P3R3URF: variants seen among roughly 807,000 people sequenced by gnomAD.
P3R3URF encodes P3R3URF protein.
Under a neutral mutation model 8.0 loss-of-function variants are expected in P3R3URF, and 6 were observed. That is an observed-to-expected ratio of 0.75 (90% CI 0.41 to 1.47). The LOEUF is 1.47. Ranked by LOEUF, P3R3URF falls within the 40% of genes most tolerant of loss-of-function variation. The pLI is 0.01. For missense variants in P3R3URF, 121 were observed against 117.3 expected (o/e 1.03, Z -0.14); for synonymous variants, 39 against 36.7 (o/e 1.06, Z -0.23).
rs980112967 is a variant in P3R3URF, at chr1:46,176,376, G to A, written c.96C>T (p.Pro32=). The change falls in exon 1 of 2, where the codon CCC becomes CCT. Residue 32 remains proline, a synonymous_variant. Transcript: ENST00000506599. The stretch of plus-strand genomic sequence containing the variant: ...TTCTGCGGCTACACTTGAACATCCT[G>A]GGAAATCGGGGCCTGGGCCAGCCCA... The part of the protein sequence containing the change: ...PGMGWPRPRF[P]RMFKCSRRRY... The A allele has an allele frequency of 5.9e-6, 9 of 1,535,740 alleles. No homozygotes were observed. Among genetic ancestry groups the A allele is most frequent in the Non-Finnish European group, 7.8e-6 (9 of 1,146,914 alleles).
intron 1 of P3R3URF, chr1:46,175,963 C>G: frequency 1.9e-6 from 1 of 514,424 alleles, no homozygotes; most frequent in Non-Finnish European, 3.5e-6. Flanking sequence ...ACCTCTGCCT[C>G]CCGGGTTCAA....
rs540534426 is a variant in P3R3URF, at chr1:46,176,200, A to G, written c.244+28T>C. On this transcript the variant is annotated intron_variant, in intron 1 of 1. Coordinates refer to ENST00000506599, the MANE Select transcript of P3R3URF (RefSeq NM_001328655.2). ...TAGTGGCTCTGTTTTTTAAAACCCC[A>G]CCCTGGCTCACAGGCCCCCTGGCTA... The G allele has an allele frequency of 5.8e-4, 885 of 1,534,072 alleles. 3 individuals are homozygous for G. Among genetic ancestry groups the G allele is most frequent in the South Asian group, 1.4e-3 (119 of 84,048 alleles).
At chr1:46,175,657 T>C (rs117863102) in intron 1 of P3R3URF, 28 bp from the exon 2 acceptor site, 8 of 399,594 alleles carry the variant, frequency 2.0e-5, no homozygotes, top group Non-Finnish European at 3.5e-5. Flanking sequence ...AGGGAAGAGT[T>C]TGAGGAAGGA....
rs766275690 is a variant in P3R3URF at position 46,176,463 on chromosome 1, T to A, written c.9A>T (p.Pro3=). ...GCCGAGGGCCACGGACAAGCCGAGA[T>A]GGCCCCATGGGCACAGGGAGCTTCT... The part of the protein sequence containing the change: MG[P]SRLVRGPRPQ... The change falls in exon 1 of 2, where the codon CCA becomes CCT. Residue 3 remains proline (P), a synonymous_variant. Coordinates refer to ENST00000506599, the MANE Select transcript of P3R3URF (RefSeq NM_001328655.2). The A allele has an allele frequency of 1.0e-5, 16 of 1,535,560 alleles. No homozygotes were observed. In the South Asian group the frequency reaches 1.7e-4, roughly 16 times the overall value.
At chr1:46,175,777 C>T (rs1190867640) in intron 1 of P3R3URF, 148 bp from the exon 2 acceptor site, 5 of 403,792 alleles carry the variant, frequency 1.2e-5, no homozygotes, top group Non-Finnish European at 2.2e-5. Context: ...TGCCTGCCAT[C>T]AGGAGTCCCC....
At chr1:46,175,854 A>C in intron 1 of P3R3URF, 1 of 441,002 alleles carries the variant, frequency 2.3e-6, no homozygotes, top group Non-Finnish European at 3.9e-6. Flanking sequence ...CCAGGTAGGG[A>C]AATCTTCACT....
chr1:46,176,029 C>T (rs997983041), intron 1 of P3R3URF, among the ~76,000 whole-genome samples, 199 bp downstream of exon 1: 17 of 152,184 alleles, frequency 1.1e-4, no homozygotes, highest in South Asian at 2.1e-4. Context: ...TGTGCCACCA[C>T]GCCCGGCTAA....
intron 1 of P3R3URF, 193 bp from the exon 2 acceptor site, chr1:46,175,822 C>A (rs1250133196): frequency 3.4e-5 from 15 of 437,142 alleles, no homozygotes; most frequent in Non-Finnish European, 5.6e-5. Flanking sequence ...CAGAGATCAT[C>A]CTTTGGCGTG....
chr1:46,175,872 G>GTT (rs34832129), intron 1 of P3R3URF: 2,745 of 305,548 alleles, frequency 9.0e-3, no homozygotes, highest in East Asian at 0.018. Context: ...ACTGGCTCTG[G>GTT]TTTTTTTTTT....
rs1657167405 is a variant in P3R3URF at position 46,176,438 on chromosome 1, GC to G, written c.33del (p.Gln13ArgfsTer62). 2.0e-6 allele frequency: 3 copies of G among 1,535,638 alleles called. No individual in the cohort carries two copies. The African/African-American group carries it at 4.1e-5, about 21-fold the overall frequency. ...CGGTAGGGGGAACGCATGCCCTGGG[GC>G]CGAGGGCCACGGACAAGCCGAGATG... MGPSRLVRGPRPQGMRSPYRR... is the reference protein window; with the variant it reads MGPSRLVRGPXPQGMRSPYRR... On this transcript the variant is annotated frameshift_variant, in exon 1 of 2. Coordinates refer to ENST00000506599, the MANE Select transcript of P3R3URF (RefSeq NM_001328655.2). LOFTEE classifies it high-confidence loss of function.
Position 46,175,593 on chromosome 1 carries a change from A to T in P3R3URF, c.281T>A (p.Ile94Asn). The T allele has an allele frequency of 5.0e-6, 2 of 399,246 alleles. No homozygotes were observed. Among genetic ancestry groups the T allele is most frequent in the Non-Finnish European group, 4.4e-6 (1 of 226,572 alleles). 24.7% of individuals were successfully genotyped at this position (399,246 alleles called of 1,614,324 possible). A position where few individuals can be genotyped will look rare whatever the true frequency, so the allele number is the denominator to read the frequency against. ...GCTAGCTTCTGGGCACTTCTAGAGG[A>T]TCAGAAAAATCCCAGGTTGCCTGAG... ...RHLRQPGIFLIL is the reference protein window; with the variant it reads ...RHLRQPGIFLNL The change falls in exon 2 of 2, where the codon ATC (isoleucine) becomes AAC (asparagine). Residue 94 changes from isoleucine to asparagine, a missense_variant. Transcript: ENST00000506599.
Position 46,175,525 on chromosome 1 carries a change from C to T in P3R3URF, c.*61G>A, listed in dbSNP as rs982983242. 10 of 398,704 alleles carry T rather than the reference C, an allele frequency of 2.5e-5. No individual in the cohort carries two copies. Among genetic ancestry groups the T allele is most frequent in the East Asian group, 1.1e-4 (3 of 28,092 alleles). 24.7% of individuals were successfully genotyped at this position (398,704 alleles called of 1,614,324 possible). A position where few individuals can be genotyped will look rare whatever the true frequency, so the allele number is the denominator to read the frequency against. ...CTGTATTTGTTGTTCACCACCCACA[C>T]GGCCCCTAGGAGATGCAGGTCCAGG... On this transcript the variant is annotated 3_prime_UTR_variant, in exon 2 of 2. Transcript: ENST00000506599.
rs1476587910 is a variant in P3R3URF, at chr1:46,176,360, T to A, written c.112A>T (p.Ser38Cys). The change falls in exon 1 of 2, where the codon AGC (serine) becomes TGC (cysteine). Residue 38 changes from serine to cysteine, a missense_variant. Transcript: ENST00000506599. ...RPRFPRMFKC[S>C]RRRYQQGLRG... is the part of the protein sequence containing the mutation. ...AGACCCTGTTGATATCTTCTGCGGCTACACTTGAACATCCTGGGAAATCGG... is the reference window on the plus strand; with the variant it reads ...AGACCCTGTTGATATCTTCTGCGGCAACACTTGAACATCCTGGGAAATCGG... 1.3e-6 allele frequency: 2 copies of A among 1,535,646 alleles called. No homozygotes were observed. Among genetic ancestry groups the A allele is most frequent in the African/African-American group, 2.7e-5 (2 of 73,072 alleles).
chr1:46,175,713 A>G (rs547749555), intron 1 of P3R3URF, 84 bp from the exon 2 acceptor site: 1 of 400,354 alleles, frequency 2.5e-6, no homozygotes, highest in Non-Finnish European at 4.4e-6. Flanking sequence ...CCCCTCCCCA[A>G]ACCCTCTGCT....
intron 1 of P3R3URF, 93 bp downstream of exon 1, chr1:46,176,135 A>C: frequency 1.4e-6 from 2 of 1,437,264 alleles, no homozygotes; most frequent in Non-Finnish European, 1.9e-6. Flanking sequence ...TTGGCCTCCC[A>C]AAGTGCCGGG....
chr1:46,176,021 T>C (rs1004310354), intron 1 of P3R3URF, among the ~76,000 whole-genome samples: 1 of 152,142 alleles, frequency 6.6e-6, no homozygotes, highest in Non-Finnish European at 1.5e-5. Flanking sequence ...TAAAGGCGTG[T>C]GCCACCACGC....
intron 1 of P3R3URF, 62 bp downstream of exon 1, chr1:46,176,166 C>T (rs1049728312): frequency 2.4e-5 from 37 of 1,523,024 alleles, no homozygotes; most frequent in East Asian, 4.9e-5. Context: ...TGAGCCACCG[C>T]ACCCAGCCTA....
At chr1:46,175,907 C>G in intron 1 of P3R3URF, 1 of 425,592 alleles carries the variant, frequency 2.3e-6, no homozygotes, top group Non-Finnish European at 4.1e-6. Flanking sequence ...GAGTCTAGCT[C>G]TGTCACCCAG....
chr1:46,175,670 C>T (rs1411431983), intron 1 of P3R3URF, 41 bp from the exon 2 acceptor site: 3 of 399,560 alleles, frequency 7.5e-6, no homozygotes, highest in Admixed American at 4.4e-5. Context: ...AGGAAGGAAG[C>T]AGTTCTGGAA....
Sources: allele counts gnomAD v4.1 joint callset (sites outside exome capture counted in the v4.1 genomes callset), GRCh38; gene constraint gnomAD v4.1.1; transcripts MANE v1.5; gene names NCBI Gene and HGNC (gene_info 2026-07-23, HGNC 2026-07-21).